ESPL1: variants seen among roughly 807,000 people sequenced by gnomAD.
ESPL1 encodes the protein extra spindle pole bodies like 1, separase, also known as separin.
In ESPL1, 50 loss-of-function variants were observed where a neutral mutation model predicts 217.2. That is an observed-to-expected ratio of 0.23 (90% CI 0.18 to 0.29). The LOEUF is 0.29. Ranked by LOEUF, ESPL1 falls within the 10% of genes least tolerant of loss-of-function variation. The pLI, the probability that ESPL1 is intolerant of heterozygous loss-of-function variation, is 1.00. For missense variants in ESPL1, 1,834 were observed against 2,603.0 expected (o/e 0.70, Z 6.43); for synonymous variants, 994 against 1,081.3 (o/e 0.92, Z 1.58).
chr12:53,278,804 C>T (rs1179341442), intron 11 of ESPL1, among the ~76,000 whole-genome samples: 2 of 151,046 alleles, frequency 1.3e-5, no homozygotes, highest in African/African-American at 4.9e-5. Context: ...TTGGCCAGGC[C>T]GGTCTCGATC....
chr12:53,289,275 C>G lies in ESPL1; in HGVS notation c.4894C>G (p.Leu1632Val). 1 of 1,611,938 alleles carries G rather than the reference C, an allele frequency of 6.2e-7. No homozygotes were observed. The highest frequency in any genetic ancestry group is 8.5e-7 in the Non-Finnish European group (1 of 1,180,034). Residue 1632 changes from leucine to valine, a missense_variant, in exon 21 of 31, where the codon CTG (leucine) becomes GTG (valine). Leu to Val is a conservative substitution (Grantham distance 32). Transcript: ENST00000257934. ...ESVSITCRHQ[L>V]LTHLHRQLSK... ...TGTCTCCATCACCTGTCGCCACCAG[C>G]TGCTCACCCACCTCCACAGACAGCT...
chr12:53,291,063 G>C lies in ESPL1; in HGVS notation c.5520+67G>C. ...TGCACCTGTAATCCCAGCACTTTGG[G>C]AGGCCAAGGCAGATGGATTGCTTGA... is the stretch of plus-strand genomic sequence containing the variant. On this transcript the variant is annotated intron_variant, in intron 25 of 30. Transcript: ENST00000257934. 2.1e-6 allele frequency: 3 copies of C among 1,416,936 alleles called. No homozygotes were observed. The South Asian group carries it at 4.0e-5, about 19-fold the overall frequency. 87.8% of individuals were successfully genotyped at this position (1,416,936 alleles called of 1,614,324 possible). A position where few individuals can be genotyped will look rare whatever the true frequency, so the allele number is the denominator to read the frequency against.
At chr12:53,276,508 G>A (rs975177939) in intron 7 of ESPL1, 112 bp from the exon 8 acceptor site, 22 of 1,234,656 alleles carry the variant, frequency 1.8e-5, no homozygotes, top group Admixed American at 2.9e-5. Flanking sequence ...TTAAAGCCAT[G>A]ACTGGAAACC....
At position 53,283,474 on chromosome 12, in the gene ESPL1, A is replaced by T. The variant is rs199991198; in HGVS notation, c.3013A>T (p.Ser1005Cys). Reference sequence around the variant, plus strand: ...CCACCTGGGCCGCCTGGGTAGTGTGAGTGAAGCCAAGGCCTTTTGCTTGGA... The same window carrying T: ...CCACCTGGGCCGCCTGGGTAGTGTGTGTGAAGCCAAGGCCTTTTGCTTGGA... ...VCHLGRLGSV[S>C]EAKAFCLEAL... Residue 1005 changes from serine to cysteine, a missense_variant, in exon 16 of 31, where the codon AGT becomes TGT. By Grantham distance (112) the Ser-to-Cys change is moderately radical. Coordinates refer to ENST00000257934, the MANE Select transcript of ESPL1 (RefSeq NM_012291.5). The T allele has an allele frequency of 1.2e-6, 2 of 1,614,048 alleles. No individual in the cohort carries two copies. The highest frequency in any genetic ancestry group is 2.7e-5 in the African/African-American group (2 of 74,926).
Position 53,287,985 on chromosome 12 carries a change from A to G in ESPL1, c.4190A>G (p.Asp1397Gly). Residue 1397 changes from aspartate to glycine, a missense_variant, in exon 19 of 31, where the codon GAT becomes GGT. Physicochemically the swap from Asp to Gly is moderately conservative, Grantham distance 94. Transcript: ENST00000257934. ...VQTRLKVNFSDDSDLEDPVSA... is the reference protein window; with the variant it reads ...VQTRLKVNFSGDSDLEDPVSA... ...CTCTGATCTCAGGTGAACTTCAGTG[A>G]TGACAGTGACTTGGAAGACCCTGTC... 2 of 1,603,392 alleles carry G rather than the reference A, an allele frequency of 1.2e-6. No individual in the cohort carries two copies. Among genetic ancestry groups the G allele is most frequent in the Non-Finnish European group, 1.7e-6 (2 of 1,174,566 alleles).
At chr12:53,270,356 A>T in intron 3 of ESPL1, 22 bp from the exon 4 acceptor site, 1 of 1,544,466 alleles carries the variant, frequency 6.5e-7, no homozygotes, top group Non-Finnish European at 9.0e-7. Context: ...TCCTCATACC[A>T]ACCTTCCGCT....
At chr12:53,278,416 C>T (rs1300866065) in intron 11 of ESPL1, among the ~76,000 whole-genome samples, 1 of 150,594 alleles carries the variant, frequency 6.6e-6, no homozygotes, top group Non-Finnish European at 1.5e-5. Flanking sequence ...GTAGAGGTTG[C>T]AGTGAGCCAA....
chr12:53,283,687 C>A, intron 16 of ESPL1, 149 bp downstream of exon 16: 1 of 762,288 alleles, frequency 1.3e-6, no homozygotes. Flanking sequence ...GTGGGAAATG[C>A]TGAGTTAATC....
At chr12:53,277,348 G>C (rs1943787200) in intron 9 of ESPL1, 121 bp downstream of exon 9, 1 of 1,478,804 alleles carries the variant, frequency 6.8e-7, no homozygotes, top group African/African-American at 1.4e-5. Flanking sequence ...GGGTCTCTCT[G>C]TTGCCCAGGC....
chr12:53,268,540 C>T (rs1322147176), intron 1 of ESPL1, 163 bp downstream of exon 1: 1 of 539,946 alleles, frequency 1.9e-6, no homozygotes, highest in Non-Finnish European at 3.3e-6. Flanking sequence ...TGGGGTAGCG[C>T]GGCGAGTGGT....
At chr12:53,274,172 C>T (rs1353507669) in intron 6 of ESPL1, 1 of 152,262 alleles carries the variant, frequency 6.6e-6, no homozygotes, top group Non-Finnish European at 1.5e-5. Context: ...TGTTCTTAAG[C>T]AAGAATACCT....
intron 12 of ESPL1, among the ~76,000 whole-genome samples, chr12:53,280,933 G>T (rs561153860): frequency 6.0e-5 from 9 of 151,080 alleles, no homozygotes; most frequent in Non-Finnish European, 1.2e-4. Flanking sequence ...CGGAGGTTGC[G>T]GTGAGCTGAG....
chr12:53,291,738 C>T lies in ESPL1; in HGVS notation c.5569C>T (p.Leu1857=), dbSNP rs1203268614. The T allele has an allele frequency of 6.2e-7, 1 of 1,614,044 alleles. No homozygotes were observed. Among genetic ancestry groups the T allele is most frequent in the Non-Finnish European group, 8.5e-7 (1 of 1,179,976 alleles). The change falls in exon 26 of 31, where the codon CTG becomes TTG. Residue 1857 remains leucine, a synonymous_variant. Coordinates refer to ENST00000257934, the MANE Select transcript of ESPL1 (RefSeq NM_012291.5). ...GALTPQDIQA[L]AYGLCPTQPE... is the part of the protein sequence containing the mutation. ...CCTCACCCCTCAGGACATTCAGGCC[C>T]TGGCCTACGGGCTGTGCCCAACCCA...
chr12:53,284,109 C>T lies in ESPL1; in HGVS notation c.3129C>T (p.Asp1043=), dbSNP rs761633869. 3 of 1,613,996 alleles carry T rather than the reference C, an allele frequency of 1.9e-6. No homozygotes were observed. Among genetic ancestry groups the T allele is most frequent in the Non-Finnish European group, 1.7e-6 (2 of 1,179,996 alleles). ...GCGAGCTGGAGCTGGCCCGCAATGACATTGATCTCTGTCAGTCGGACCTGC... is the reference window on the plus strand; with the variant it reads ...GCGAGCTGGAGCTGGCCCGCAATGATATTGATCTCTGTCAGTCGGACCTGC... ...LKGELELARN[D]IDLCQSDLQQ... is the part of the protein sequence containing the mutation. The change falls in exon 17 of 31, where the codon GAC becomes GAT. Residue 1043 remains aspartate (D), a synonymous_variant. Coordinates refer to ENST00000257934, the MANE Select transcript of ESPL1 (RefSeq NM_012291.5).
chr12:53,273,269 C>T (rs938237760), intron 6 of ESPL1, among the ~76,000 whole-genome samples: 8 of 150,990 alleles, frequency 5.3e-5, no homozygotes, highest in South Asian at 4.2e-4. Flanking sequence ...TCTCAAACTC[C>T]AGACCTCAGG....
chr12:53,270,600 C>G, intron 4 of ESPL1, 78 bp from the exon 5 acceptor site: 1 of 1,599,248 alleles, frequency 6.3e-7, no homozygotes, highest in Non-Finnish European at 8.6e-7. Context: ...GGTTGCTTGG[C>G]TTTGGGTGTG....
chr12:53,291,556 A>C (rs915921641), intron 25 of ESPL1, 134 bp from the exon 26 acceptor site: 34 of 931,734 alleles, frequency 3.6e-5, no homozygotes, highest in Non-Finnish European at 5.2e-5. Context: ...GCGCCACTGC[A>C]CTCCAGCCTG....
Position 53,286,735 on chromosome 12 carries a change from C to T in ESPL1, c.3999C>T (p.Thr1333=), listed in dbSNP as rs1592492976. 3.1e-6 allele frequency: 5 copies of T among 1,614,128 alleles called. No individual in the cohort carries two copies. The highest frequency in any genetic ancestry group is 4.2e-6 in the Non-Finnish European group (5 of 1,180,028). The change falls in exon 18 of 31, where the codon ACC becomes ACT. Residue 1333 remains threonine, a synonymous_variant. Coordinates refer to ENST00000257934, the MANE Select transcript of ESPL1 (RefSeq NM_012291.5). The surrounding 1 kb of genome is among the most constrained non-coding windows in gnomAD (Gnocchi z 5.3). ...LASAPLRLNN[T]SQKGLEGRGL... is the part of the protein sequence containing the mutation. ...CTGCTCCCCTGCGCCTCAATAATAC[C>T]TCTCAGAAAGGTCTGGAAGGTAGAG...
intron 1 of ESPL1, 98 bp from the exon 2 acceptor site, chr12:53,268,657 G>T: frequency 1.5e-6 from 1 of 682,744 alleles, no homozygotes; most frequent in South Asian, 1.9e-5. Flanking sequence ...TGAAATTTCT[G>T]ATGTGATTCT....
Sources: allele counts gnomAD v4.1 joint callset (sites outside exome capture counted in the v4.1 genomes callset), GRCh38; gene constraint gnomAD v4.1.1; non-coding constraint Gnocchi (gnomAD v3.1); transcripts MANE v1.5; gene names NCBI Gene and HGNC (gene_info 2026-07-23, HGNC 2026-07-21).